The following ANK2 variants were observed in gnomAD, a reference collection of about 807,000 sequenced individuals.
ANK2 encodes ankyrin 2, also known as ankyrin-2.
ANK2 carries 83 observed loss-of-function variants against 360.5 expected under a neutral mutation model. The observed-to-expected ratio is 0.23, with a 90% CI of 0.19 to 0.28. The LOEUF is 0.28. Among genes scored for constraint, ANK2 ranks in the 10% least tolerant of loss-of-function variants. The probability of loss-of-function intolerance (pLI) is 1.00; values close to 1 mark genes in which losing one functional copy is unlikely to be tolerated. For missense variants in ANK2, 4,201 were observed against 4,795.7 expected (o/e 0.88, Z 3.66); for synonymous variants, 1,740 against 1,759.5 (o/e 0.99, Z 0.28).
At chr4:112,713,933 CA>C in the ANK2 span, among the ~76,000 whole-genome samples, 45 of 108,528 alleles carry the variant, frequency 4.1e-4, no homozygotes, top group African/African-American at 1.2e-3. Context: ...GACTCCGTCT[CA>C]AAAAAAAAAA....
chr4:112,735,131 T>C, the ANK2 span, among the ~76,000 whole-genome samples: 3 of 152,172 alleles, frequency 2.0e-5, no homozygotes, highest in African/African-American at 7.2e-5. Context: ...ATGCCTATAA[T>C]CCCAGCACTG....
chr4:113,019,850 T>A (rs1579183137), intron 2 of ANK2, among the ~76,000 whole-genome samples: 1 of 152,102 alleles, frequency 6.6e-6, no homozygotes, highest in African/African-American at 2.4e-5. Flanking sequence ...TCTGAATATG[T>A]TTACATTGGT....
the ANK2 span, among the ~76,000 whole-genome samples, chr4:112,740,966 G>T: frequency 0.066 from 10,043 of 151,878 alleles, 449 homozygotes; most frequent in Non-Finnish European, 0.095. Flanking sequence ...CTCCAGCCTG[G>T]GTGACAGGGT....
chr4:113,317,890 G>A, intron 25 of ANK2, 81 bp downstream of exon 25: 1 of 1,167,958 alleles, frequency 8.6e-7, no homozygotes, highest in Non-Finnish European at 1.3e-6. Context: ...TCCTGAGAAA[G>A]TTTTTAATCC....
At chr4:112,851,585 T>C (rs2065002186) in intron 1 of ANK2, among the ~76,000 whole-genome samples, 3 of 152,204 alleles carry the variant, frequency 2.0e-5, no homozygotes, top group Non-Finnish European at 4.4e-5. Context: ...CCTTCCCTCA[T>C]GTGCCATAGA....
At chr4:113,228,350 C>T (rs2099250279) in intron 4 of ANK2, among the ~76,000 whole-genome samples, 1 of 152,142 alleles carries the variant, frequency 6.6e-6, no homozygotes, top group Non-Finnish European at 1.5e-5. Context: ...CACCCTTTTC[C>T]CCCAAGTCCC....
upstream of ANK2, among the ~76,000 whole-genome samples, chr4:112,815,076 C>T (rs923339460): frequency 1.3e-5 from 2 of 150,878 alleles, no homozygotes; most frequent in Non-Finnish European, 2.9e-5. Flanking sequence ...GGGGTTTCAC[C>T]ATGTTGGCTG....
intron 17 of ANK2, among the ~76,000 whole-genome samples, chr4:113,281,961 A>G (rs546366350): frequency 1.3e-5 from 2 of 152,266 alleles, no homozygotes; most frequent in South Asian, 4.1e-4. Flanking sequence ...TTAGAATGCA[A>G]CCCATTAAAG....
At chr4:113,000,089 G>A (rs988820256) in intron 2 of ANK2, among the ~76,000 whole-genome samples, 2 of 152,182 alleles carry the variant, frequency 1.3e-5, no homozygotes, top group African/African-American at 4.8e-5. Context: ...CCACAGAAAT[G>A]GTTATACCGC....
intron 2 of ANK2, among the ~76,000 whole-genome samples, chr4:112,993,712 A>ATT (rs34394811): frequency 6.7e-6 from 1 of 148,908 alleles, no homozygotes; most frequent in East Asian, 2.0e-4. Context: ...TGGCAACTGC[A>ATT]TTTTTTTTTT....
chr4:112,974,475 T>G (rs1312360275), intron 2 of ANK2, among the ~76,000 whole-genome samples: 1 of 152,140 alleles, frequency 6.6e-6, no homozygotes, highest in African/African-American at 2.4e-5. Flanking sequence ...AAAACAGAAT[T>G]GTAAGATTTC....
At chr4:112,978,378 C>G (rs1230527122) in intron 2 of ANK2, among the ~76,000 whole-genome samples, 1 of 152,116 alleles carries the variant, frequency 6.6e-6, no homozygotes, top group Non-Finnish European at 1.5e-5. Flanking sequence ...TATAAGTGTA[C>G]AGTGGATTAA....
At chr4:113,318,469 T>C (rs1437724827) in intron 25 of ANK2, 48 bp from the exon 26 acceptor site, 1 of 1,456,544 alleles carries the variant, frequency 6.9e-7, no homozygotes, top group Non-Finnish European at 9.6e-7. Flanking sequence ...TATTTTACTT[T>C]AATTGAAGCA....
At chr4:113,193,664 T>G (rs2098705712) in intron 2 of ANK2, among the ~76,000 whole-genome samples, 1 of 152,182 alleles carries the variant, frequency 6.6e-6, no homozygotes, top group Non-Finnish European at 1.5e-5. Flanking sequence ...TGGCACGTAT[T>G]TCATCTTGAG....
At chr4:112,803,905 A>G in the ANK2 span, among the ~76,000 whole-genome samples, 1 of 152,234 alleles carries the variant, frequency 6.6e-6, no homozygotes, top group Non-Finnish European at 1.5e-5. Context: ...ACAGAGAATA[A>G]TATAATGAAG....
upstream of ANK2, among the ~76,000 whole-genome samples, chr4:113,048,917 GACACACACACACACACAC>G (rs55814667): frequency 2.8e-4 from 39 of 139,320 alleles, no homozygotes; most frequent in South Asian, 1.7e-3. Flanking sequence ...CCCCTACCCA[GACACACACACACACACAC>G]ACACACACAC....
chr4:113,174,598 T>A, intron 2 of ANK2, 81 bp downstream of exon 2: 4 of 1,165,714 alleles, frequency 3.4e-6, no homozygotes, highest in Non-Finnish European at 4.9e-6. Flanking sequence ...TATTTTTGTC[T>A]TTATTAAAAA....
chr4:112,980,239 C>G (rs2042731908), intron 2 of ANK2: 1 of 152,440 alleles, frequency 6.6e-6, no homozygotes, highest in South Asian at 2.1e-4. Context: ...TCGGCCTCAA[C>G]TTTGCTCCAC....
intron 4 of ANK2, among the ~76,000 whole-genome samples, chr4:113,219,419 A>C (rs903407410): frequency 5.9e-5 from 9 of 152,002 alleles, no homozygotes; most frequent in Admixed American, 2.0e-4. Context: ...ATTATTATAA[A>C]ATTTTATGTG....
Sources: gnomAD v4.1 joint callset for allele counts (sites outside exome capture counted in the v4.1 genomes callset) on GRCh38, gnomAD v4.1.1 for gene constraint, MANE v1.5 for transcripts, NCBI Gene and HGNC (gene_info 2026-07-23, HGNC 2026-07-21) for gene names.